The following PCNX2 variants were observed in gnomAD, a reference collection of about 807,000 sequenced individuals.
PCNX2 encodes the protein pecanex 2, also known as pecanex-like protein 2.
Under a neutral mutation model 223.8 loss-of-function variants are expected in PCNX2, and 168 were observed. The observed-to-expected ratio is 0.75, with a 90% CI of 0.66 to 0.85. PCNX2 has a LOEUF of 0.85. Among genes scored for constraint, PCNX2 ranks in the 40% least tolerant of loss-of-function variants. PCNX2 has a pLI of 0.00. For synonymous variants in PCNX2, 1,006 were observed against 1,052.6 expected, an observed-to-expected ratio of 0.96 and a Z score of 0.86; for missense variants, 2,507 against 2,675.5, an observed-to-expected ratio of 0.94 and a Z score of 1.39.
chr1:233,059,143 A>C (rs1672306508), intron 23 of PCNX2, among the ~76,000 whole-genome samples: 1 of 151,654 alleles, frequency 6.6e-6, no homozygotes, highest in African/African-American at 2.4e-5. Flanking sequence ...ATTTTTCCTC[A>C]TTGACTCCTC....
intron 23 of PCNX2, among the ~76,000 whole-genome samples, chr1:233,079,920 C>T (rs554084060): frequency 2.6e-5 from 4 of 152,320 alleles, no homozygotes; most frequent in East Asian, 3.9e-4. Context: ...CTCACTCTGG[C>T]TAGTCAAGAA....
chr1:233,122,523 A>G (rs1675860423), intron 21 of PCNX2, among the ~76,000 whole-genome samples: 1 of 122,036 alleles, frequency 8.2e-6, no homozygotes, highest in African/African-American at 3.8e-5. Context: ...TTAATATTAT[A>G]TATCTTTTTT....
chr1:233,000,594 A>T lies in PCNX2; in HGVS notation c.5098-59T>A. ...AGGACCAGAGGAACTCACCCCCAGGAAGCATGCAGATGGCAACTGGCCAGT... is the reference window on the plus strand; with the variant it reads ...AGGACCAGAGGAACTCACCCCCAGGTAGCATGCAGATGGCAACTGGCCAGT... On this transcript the variant is annotated intron_variant, in intron 29 of 33. Coordinates refer to ENST00000258229, the MANE Select transcript of PCNX2 (RefSeq NM_014801.4). This position sits in a 1 kb window ranked among gnomAD's most constrained non-coding sequence, Gnocchi z 4.6. 1 of 1,408,178 alleles carries T rather than the reference A, an allele frequency of 7.1e-7. No individual in the cohort carries two copies. The highest frequency in any genetic ancestry group is 9.7e-7 in the Non-Finnish European group (1 of 1,032,674). The allele number at this position is 1,408,178 out of a possible 1,614,324, so 87.2% of individuals were successfully genotyped here.
At chr1:233,210,666 A>C in intron 12 of PCNX2, 1 of 984,660 alleles carries the variant, frequency 1.0e-6, no homozygotes, top group Non-Finnish European at 1.2e-6. Flanking sequence ...TGAATCAATC[A>C]TCAAATCTCC....
Position 233,141,717 on chromosome 1 carries a change from C to CTG in PCNX2, c.3518-1864_3518-1863dup, listed in dbSNP as rs201516662. 2.7e-3 allele frequency among the ~76,000 whole-genome samples: 409 copies of CTG among 150,984 alleles called. 2 individuals are homozygous for CTG. Among genetic ancestry groups the CTG allele is most frequent in the South Asian group, 5.7e-3 (27 of 4,740 alleles). On this transcript the variant is annotated intron_variant, in intron 19 of 33. Coordinates refer to ENST00000258229, the MANE Select transcript of PCNX2 (RefSeq NM_014801.4). ...TATATATGTGTGTGTATATATATAT[C>CTG]TGTGTGTGTAAATGTGTATATATAT...
At chr1:233,288,869 T>C (rs1387968209) in intron 1 of PCNX2, 17 of 1,294,468 alleles carry the variant, frequency 1.3e-5, no homozygotes, top group East Asian at 4.6e-5. Context: ...TTGTTTACAA[T>C]TGAAACTCTG....
chr1:233,154,302 G>A (rs1172718166), intron 19 of PCNX2, among the ~76,000 whole-genome samples: 2 of 152,104 alleles, frequency 1.3e-5, no homozygotes, highest in Non-Finnish European at 2.9e-5. Flanking sequence ...GGATGGTCTT[G>A]ATCTCCTGAC....
intron 26 of PCNX2, among the ~76,000 whole-genome samples, chr1:233,020,416 A>G (rs182156469): frequency 1.5e-4 from 23 of 152,340 alleles, no homozygotes; most frequent in African/African-American, 5.0e-4. Context: ...TAAAACATAA[A>G]TCGGGGCAGT....
chr1:233,304,606 G>A, the PCNX2 span, among the ~76,000 whole-genome samples: 1 of 152,106 alleles, frequency 6.6e-6, no homozygotes, highest in Admixed American at 6.5e-5. Flanking sequence ...GATGAATAAA[G>A]GGAGGGAAAG....
At position 233,295,601 on chromosome 1, in the gene PCNX2, G is replaced by C; in HGVS notation, c.-123C>G. On this transcript the variant is annotated 5_prime_UTR_variant, in exon 1 of 34. Transcript: ENST00000258229. This position sits in a 1 kb window ranked among gnomAD's most constrained non-coding sequence, Gnocchi z 4.1. ...CCGCGCCCCCGCCGTCGCCGCCGCC[G>C]TCGCCCCCGCCGCCTCCTTCCACCC... 9.3e-7 allele frequency: 1 copy of C among 1,077,284 alleles called. No individual in the cohort carries two copies. The highest frequency in any genetic ancestry group is 1.2e-6 in the Non-Finnish European group (1 of 836,920). 66.7% of individuals were successfully genotyped at this position (1,077,284 alleles called of 1,614,324 possible).
At chr1:233,006,314 C>T (rs1047591788) in intron 28 of PCNX2, among the ~76,000 whole-genome samples, 2 of 152,224 alleles carry the variant, frequency 1.3e-5, no homozygotes, top group African/African-American at 4.8e-5. Context: ...CCATCACTTG[C>T]TGTCCTTCTG....
At chr1:233,315,268 G>T in the PCNX2 span, among the ~76,000 whole-genome samples, 1 of 152,082 alleles carries the variant, frequency 6.6e-6, no homozygotes, top group Non-Finnish European at 1.5e-5. Context: ...AAATACTGCA[G>T]AAAAAACAGA....
chr1:233,168,295 G>A (rs1234350763), intron 17 of PCNX2, among the ~76,000 whole-genome samples: 1 of 152,042 alleles, frequency 6.6e-6, no homozygotes, highest in African/African-American at 2.4e-5. Context: ...AACAGTATTA[G>A]TATTTTTGTG....
At chr1:233,234,139 C>T (rs981913643) in intron 9 of PCNX2, among the ~76,000 whole-genome samples, 2 of 152,122 alleles carry the variant, frequency 1.3e-5, no homozygotes, top group African/African-American at 4.8e-5. Context: ...CCATTGTATA[C>T]CCAGCTTCTA....
At chr1:233,043,667 T>C (rs1180331439) in intron 25 of PCNX2, among the ~76,000 whole-genome samples, 1 of 72,498 alleles carries the variant, frequency 1.4e-5, no homozygotes, top group Non-Finnish European at 2.7e-5. Flanking sequence ...TTTGGTTTTT[T>C]GTTCTTGCGA....
intron 23 of PCNX2, among the ~76,000 whole-genome samples, chr1:233,059,927 AT>A (rs1276065176): frequency 3.3e-5 from 5 of 152,208 alleles, no homozygotes; most frequent in African/African-American, 4.8e-5. Context: ...ATAAAAAGAT[AT>A]TTGGTTGGAA....
At chr1:233,290,589 G>A (rs889850369) in intron 1 of PCNX2, 9 of 321,356 alleles carry the variant, frequency 2.8e-5, no homozygotes, top group East Asian at 3.4e-4. Context: ...AATGGGAAAC[G>A]GCTGCAGACT....
At chr1:233,304,651 A>C in the PCNX2 span, among the ~76,000 whole-genome samples, 2 of 152,332 alleles carry the variant, frequency 1.3e-5, no homozygotes, top group Non-Finnish European at 1.5e-5. Context: ...AGGGAGAAAA[A>C]GAAAAAGCAG....
intron 21 of PCNX2, among the ~76,000 whole-genome samples, chr1:233,121,981 G>A (rs1215517432): frequency 6.6e-6 from 1 of 151,562 alleles, no homozygotes; most frequent in African/African-American, 2.4e-5. Context: ...AATAGAACAG[G>A]GTTTCCTGGA....
Sources: gnomAD v4.1 joint callset for allele counts (sites outside exome capture counted in the v4.1 genomes callset) on GRCh38, gnomAD v4.1.1 for gene constraint, Gnocchi (gnomAD v3.1) non-coding constraint, MANE v1.5 for transcripts, NCBI Gene and HGNC (gene_info 2026-07-23, HGNC 2026-07-21) for gene names.